Variants in FBXO25 observed in about 807,000 individuals in gnomAD.
The protein encoded by FBXO25 is F-box protein 25.
FBXO25 carries 45 observed loss-of-function variants against 51.9 expected under a neutral mutation model. The ratio of observed to expected loss-of-function variants is 0.87; its 90% CI spans 0.68 to 1.11. The LOEUF (loss-of-function observed/expected upper bound fraction) is 1.11. FBXO25 is among the 50% of genes most tolerant of loss of function. The probability of loss-of-function intolerance (pLI) is 0.00; values close to 1 mark genes in which losing one functional copy is unlikely to be tolerated. For synonymous variants in FBXO25, 199 were observed against 151.0 expected (o/e 1.32, Z -2.33); for missense variants, 507 against 428.5 (o/e 1.18, Z -1.62).
chr8:465,762 A>C (rs1012642080), intron 9 of FBXO25, among the ~76,000 whole-genome samples: 1 of 152,180 alleles, frequency 6.6e-6, no homozygotes, highest in Non-Finnish European at 1.5e-5. Flanking sequence ...TCACTGCTCA[A>C]AAGTTTGGGA....
At chr8:413,248 C>G in intron 2 of FBXO25, 35 bp downstream of exon 2, 1 of 1,528,234 alleles carries the variant, frequency 6.5e-7, no homozygotes, top group African/African-American at 1.4e-5. Context: ...TGCCATTTGC[C>G]AGTTTAGCAT....
intron 7 of FBXO25, among the ~76,000 whole-genome samples, chr8:457,541 T>TG (rs1251871893): frequency 2.6e-5 from 4 of 152,068 alleles, no homozygotes; most frequent in Non-Finnish European, 2.9e-5. Context: ...AGCTGGAAGG[T>TG]GGGGGGATGT....
intron 6 of FBXO25, 39 bp downstream of exon 6, chr8:450,122 A>G (rs934447475): frequency 6.8e-7 from 1 of 1,467,150 alleles, no homozygotes; most frequent in Non-Finnish European, 9.4e-7. Flanking sequence ...CTAAATCTTA[A>G]TTAGAAATTT....
chr8:475,594 A>C lies in FBXO25; in HGVS notation c.*6790A>C, dbSNP rs1800619092. The C allele has an allele frequency of 6.6e-6, 1 of 152,152 alleles. No individual in the cohort carries two copies. The highest frequency in any genetic ancestry group is 2.1e-4 in the South Asian group (1 of 4,834). 9.4% of individuals were successfully genotyped at this position (152,152 alleles called of 1,614,324 possible). On this transcript the variant is annotated 3_prime_UTR_variant, in exon 10 of 10. Coordinates refer to ENST00000350302, the MANE Select transcript of FBXO25 (RefSeq NM_183420.2). ...TATTTGTGTTGACCTTACTTTCTTTAAGCAGTGTTTTATGGTTTTCAAGTA... is the reference window on the plus strand; with the variant it reads ...TATTTGTGTTGACCTTACTTTCTTTCAGCAGTGTTTTATGGTTTTCAAGTA...
Position 474,446 on chromosome 8 carries a change from CTA to C in FBXO25, c.*5644_*5645del, listed in dbSNP as rs1800583245. The C allele has an allele frequency of 3.3e-6, 1 of 300,952 alleles. No homozygotes were observed. Among genetic ancestry groups the C allele is most frequent in the Non-Finnish European group, 6.4e-6 (1 of 156,056 alleles). 18.6% of individuals were successfully genotyped at this position (300,952 alleles called of 1,614,324 possible). On this transcript the variant is annotated 3_prime_UTR_variant, in exon 10 of 10. Transcript: ENST00000350302. Reference sequence around the variant, plus strand: ...CTCTGCTTTCAATCATATGGCAATCCTATGTTTAATTTCTTAGGGCACTGCCA... The same window carrying C: ...CTCTGCTTTCAATCATATGGCAATCCTGTTTAATTTCTTAGGGCACTGCCA...
rs1338402867 is a variant in FBXO25, at chr8:474,273, G to C, written c.*5469G>C. The C allele has an allele frequency of 5.5e-6, 1 of 181,986 alleles. No individual in the cohort carries two copies. The highest frequency in any genetic ancestry group is 5.8e-5 in the Admixed American group (1 of 17,234). The allele number at this position is 181,986 out of a possible 1,614,324, so 11.3% of individuals were successfully genotyped here. ...TCCTCAAGGTTTATTCAAGTTGTAG[G>C]ATATGTCAAGATTTCTTTTTAAGGC... On this transcript the variant is annotated 3_prime_UTR_variant, in exon 10 of 10. Coordinates refer to ENST00000350302, the MANE Select transcript of FBXO25 (RefSeq NM_183420.2).
Position 416,261 on chromosome 8 carries a change from A to G in FBXO25, c.134+3048A>G, listed in dbSNP as rs1356682768. 5.3e-5 allele frequency among the ~76,000 whole-genome samples: 8 copies of G among 151,670 alleles called. No homozygotes were observed. The South Asian group carries it at 6.3e-4, about 12-fold the overall frequency. On this transcript the variant is annotated intron_variant, in intron 2 of 9. Transcript: ENST00000350302. ...TCAATATTTCAAACTCCTTCACTCT[A>G]CTCTGATGTTCGGCTCCCTACATAC... is the stretch of plus-strand genomic sequence containing the variant.
chr8:443,083 C>T (rs1173362234), intron 5 of FBXO25, among the ~76,000 whole-genome samples: 2 of 151,600 alleles, frequency 1.3e-5, no homozygotes, highest in South Asian at 2.1e-4. Flanking sequence ...TCCTCAGCTC[C>T]GCTGAGAGTC....
chr8:425,732 T>C (rs1314711662), intron 2 of FBXO25, among the ~76,000 whole-genome samples: 2 of 152,128 alleles, frequency 1.3e-5, no homozygotes, highest in Non-Finnish European at 2.9e-5. Flanking sequence ...ATATCTTATA[T>C]GCAGTATGGT....
rs2116658110 is a variant in FBXO25 at position 476,882 on chromosome 8, A to G, written c.*8078A>G. On this transcript the variant is annotated 3_prime_UTR_variant, in exon 10 of 10. Coordinates refer to ENST00000350302, the MANE Select transcript of FBXO25 (RefSeq NM_183420.2). Reference sequence around the variant, plus strand: ...GCTCTTCTTTTTCTAGTTCTTTCAGATGTAAATTTAGGGTTGACTTGAGAT... The same window carrying G: ...GCTCTTCTTTTTCTAGTTCTTTCAGGTGTAAATTTAGGGTTGACTTGAGAT... 6.6e-6 allele frequency: 1 copy of G among 152,172 alleles called. No homozygotes were observed. Among genetic ancestry groups the G allele is most frequent in the Admixed American group, 6.5e-5 (1 of 15,288 alleles). 9.4% of individuals were successfully genotyped at this position (152,172 alleles called of 1,614,324 possible).
intron 2 of FBXO25, among the ~76,000 whole-genome samples, chr8:429,156 C>T (rs560580316): frequency 1.3e-5 from 2 of 152,250 alleles, no homozygotes; most frequent in South Asian, 2.1e-4. Context: ...CCATTCCCAC[C>T]AACATTGCAC....
chr8:430,918 C>T (rs993046924), intron 2 of FBXO25, among the ~76,000 whole-genome samples: 1 of 151,958 alleles, frequency 6.6e-6, no homozygotes, highest in Non-Finnish European at 1.5e-5. Flanking sequence ...TCAGGTAAAC[C>T]CTTATATAGG....
chr8:410,118 C>T (rs981546093), intron 1 of FBXO25, among the ~76,000 whole-genome samples: 8 of 152,258 alleles, frequency 5.3e-5, no homozygotes, highest in Non-Finnish European at 8.8e-5. Context: ...CAGAGCTTTC[C>T]CAGCTGATTT....
At chr8:422,067 G>T (rs1056747546) in intron 2 of FBXO25, among the ~76,000 whole-genome samples, 2 of 152,192 alleles carry the variant, frequency 1.3e-5, no homozygotes, top group Non-Finnish European at 2.9e-5. Flanking sequence ...CATGATAATT[G>T]TTATAAGCAC....
At chr8:434,528 G>A (rs1314606893) in intron 4 of FBXO25, among the ~76,000 whole-genome samples, 2 of 152,184 alleles carry the variant, frequency 1.3e-5, no homozygotes, top group Non-Finnish European at 2.9e-5. Context: ...CCGTCAGGGC[G>A]ATTGGGGTTG....
At chr8:418,763 C>G (rs1215824020) in intron 2 of FBXO25, among the ~76,000 whole-genome samples, 1 of 152,122 alleles carries the variant, frequency 6.6e-6, no homozygotes, top group Non-Finnish European at 1.5e-5. Flanking sequence ...AGTGCAACAA[C>G]AGGAGAAATC....
chr8:437,261 T>G (rs542310270), intron 5 of FBXO25, among the ~76,000 whole-genome samples: 1 of 152,348 alleles, frequency 6.6e-6, no homozygotes, highest in Admixed American at 6.5e-5. Context: ...TGTGCACTCA[T>G]GTACCAACTA....
chr8:421,708 A>G (rs1041029932), intron 2 of FBXO25, among the ~76,000 whole-genome samples: 2 of 152,196 alleles, frequency 1.3e-5, no homozygotes, highest in African/African-American at 4.8e-5. Context: ...TGACACCTGC[A>G]TCAGTGACTA....
intron 2 of FBXO25, among the ~76,000 whole-genome samples, chr8:417,012 G>T (rs187687518): frequency 6.6e-6 from 1 of 152,202 alleles, no homozygotes; most frequent in Non-Finnish European, 1.5e-5. Flanking sequence ...CAGGATGAAT[G>T]GATATCTGAG....
Sources: gnomAD v4.1 joint callset for allele counts (sites outside exome capture counted in the v4.1 genomes callset) on GRCh38, gnomAD v4.1.1 for gene constraint, MANE v1.5 for transcripts, NCBI Gene and HGNC (gene_info 2026-07-23, HGNC 2026-07-21) for gene names.